CMIP: variants seen among roughly 807,000 people sequenced by gnomAD.
The protein encoded by CMIP is C-Maf-inducing protein.
A neutral mutation model predicts 97.3 loss-of-function variants in CMIP; 13 were observed. That is an observed-to-expected ratio of 0.13 (90% CI 0.09 to 0.21). The LOEUF (loss-of-function observed/expected upper bound fraction) is 0.21. CMIP is among the 10% of genes least tolerant of loss of function. The pLI is 1.00. For synonymous variants in CMIP, 538 were observed against 436.3 expected (o/e 1.23, Z -2.91); for missense variants, 847 against 1,024.9 (o/e 0.83, Z 2.37).
chr16:81,595,640 C>T (rs1362370269), intron 1 of CMIP, among the ~76,000 whole-genome samples: 3 of 152,120 alleles, frequency 2.0e-5, no homozygotes, highest in Non-Finnish European at 2.9e-5. Flanking sequence ...CTGCCCACCT[C>T]GGCTTCCCAA....
chr16:81,483,802 T>C (rs762707369), intron 1 of CMIP, among the ~76,000 whole-genome samples: 1 of 152,246 alleles, frequency 6.6e-6, no homozygotes, highest in Non-Finnish European at 1.5e-5. Flanking sequence ...TTATAAACTC[T>C]GCTTCTAGAA....
rs558026837 is a variant in CMIP, at chr16:81,661,545, C to A, written c.744+599C>A. Reference sequence around the variant, plus strand: ...CTTGGAGAGACATGTTCTCAGCACTCCCCTGTCATACCCCTGCTGCCCCGC... The same window carrying A: ...CTTGGAGAGACATGTTCTCAGCACTACCCTGTCATACCCCTGCTGCCCCGC... On this transcript the variant is annotated intron_variant, in intron 6 of 20. Coordinates refer to ENST00000537098, the MANE Select transcript of CMIP (RefSeq NM_198390.3). Among the ~76,000 whole-genome samples, 9 of 152,330 alleles carry A rather than the reference C, an allele frequency of 5.9e-5. No individual in the cohort carries two copies. The East Asian group carries it at 1.7e-3, about 29-fold the overall frequency.
At chr16:81,527,566 C>T (rs915854209) in intron 1 of CMIP, among the ~76,000 whole-genome samples, 2 of 152,186 alleles carry the variant, frequency 1.3e-5, no homozygotes, top group Non-Finnish European at 2.9e-5. Flanking sequence ...TTGTTTCTAC[C>T]ATGGAAGCAT....
chr16:81,703,518 C>G (rs1165597438), intron 17 of CMIP, among the ~76,000 whole-genome samples: 1 of 152,078 alleles, frequency 6.6e-6, no homozygotes, highest in East Asian at 1.9e-4. Flanking sequence ...CAAATATACA[C>G]AGACGTGCAC....
chr16:81,652,240 C>T lies in CMIP; in HGVS notation c.515C>T (p.Pro172Leu). The T allele has an allele frequency of 6.2e-7, 1 of 1,613,680 alleles. No individual in the cohort carries two copies. Among genetic ancestry groups the T allele is most frequent in the Non-Finnish European group, 8.5e-7 (1 of 1,179,626 alleles). ...AAATATAAGAAAGTGCTGAGTAACC[C>T]AAGCCGCTGGGAAGTTGTCTTGAAA... ...IYKYKKVLSN[P>L]SRWEVVLKEI... Residue 172 changes from proline to leucine, a missense_variant, in exon 4 of 21, where the codon CCA becomes CTA. By Grantham distance (98) the Pro-to-Leu change is moderately conservative (BLOSUM62 -3). Coordinates refer to ENST00000537098, the MANE Select transcript of CMIP (RefSeq NM_198390.3). This position sits in a 1 kb window ranked among gnomAD's most constrained non-coding sequence, Gnocchi z 5.2.
At chr16:81,518,685 G>C (rs561689478) in intron 1 of CMIP, 2 of 152,348 alleles carry the variant, frequency 1.3e-5, no homozygotes, top group South Asian at 4.1e-4. Context: ...CCTGCTTCCT[G>C]TGTTCTGTGT....
intron 1 of CMIP, among the ~76,000 whole-genome samples, chr16:81,554,774 A>G (rs1421910544): frequency 6.6e-6 from 1 of 152,164 alleles, no homozygotes; most frequent in South Asian, 2.1e-4. Flanking sequence ...GATAATCGTT[A>G]TATCTGGTAA....
intron 1 of CMIP, among the ~76,000 whole-genome samples, chr16:81,589,635 C>G (rs921539836): frequency 6.6e-6 from 1 of 152,204 alleles, no homozygotes; most frequent in Non-Finnish European, 1.5e-5. Flanking sequence ...AAAGCAGTCC[C>G]CTGAGCCCCT....
At chr16:81,533,037 C>T (rs1301599262) in intron 1 of CMIP, among the ~76,000 whole-genome samples, 1 of 152,202 alleles carries the variant, frequency 6.6e-6, no homozygotes, top group African/African-American at 2.4e-5. Context: ...TGTCTCCTGT[C>T]AGAAGTCACC....
intron 1 of CMIP, among the ~76,000 whole-genome samples, chr16:81,489,490 G>A (rs1309051183): frequency 6.6e-6 from 1 of 152,186 alleles, no homozygotes; most frequent in East Asian, 1.9e-4. Flanking sequence ...AGCAGGAGAG[G>A]TCTCCTTTGT....
intron 2 of CMIP, among the ~76,000 whole-genome samples, chr16:81,611,795 T>C (rs1452117568): frequency 6.6e-6 from 1 of 152,236 alleles, no homozygotes; most frequent in Non-Finnish European, 1.5e-5. Context: ...TTTGAATCAA[T>C]GCCTCTTGCA....
rs147102712 is a variant in CMIP at position 81,642,152 on chromosome 16, G to A, written c.478-10051G>A. Among the ~76,000 whole-genome samples, 16 of 152,344 alleles carry A rather than the reference G, an allele frequency of 1.1e-4. No individual in the cohort carries two copies. The East Asian group carries it at 2.9e-3, about 28-fold the overall frequency. ...CGTCATTCATCAGAACCCAGTGTGC[G>A]TGCTTGCTGTTCTTGGAAAATGTCA... is the stretch of plus-strand genomic sequence containing the variant. On this transcript the variant is annotated intron_variant, in intron 3 of 20. Coordinates refer to ENST00000537098, the MANE Select transcript of CMIP (RefSeq NM_198390.3).
Position 81,670,826 on chromosome 16 carries a change from T to TTTTG in CMIP, c.929+597_929+600dup, listed in dbSNP as rs957425268. On this transcript the variant is annotated intron_variant, in intron 8 of 20. Coordinates refer to ENST00000537098, the MANE Select transcript of CMIP (RefSeq NM_198390.3). ...TCATCATTCTTGTTCTTCTCATCTC[T>TTTTG]TTTGTTTGTTTGTTTGTTTTGAGAT... 4.6e-5 allele frequency among the ~76,000 whole-genome samples: 7 copies of TTTTG among 152,142 alleles called. No homozygotes were observed. The East Asian group carries it at 7.7e-4, about 17-fold the overall frequency.
At chr16:81,701,377 G>A (rs768170395) in intron 15 of CMIP, among the ~76,000 whole-genome samples, 1 of 152,158 alleles carries the variant, frequency 6.6e-6, no homozygotes, top group South Asian at 2.1e-4. Context: ...AACATCCCCC[G>A]GGGGCCTGCC....
intron 1 of CMIP, among the ~76,000 whole-genome samples, chr16:81,561,502 A>C (rs968052340): frequency 9.2e-5 from 14 of 152,244 alleles, no homozygotes; most frequent in African/African-American, 3.4e-4. Context: ...GGTCAGGTTT[A>C]AGAACTACCA....
intron 1 of CMIP, among the ~76,000 whole-genome samples, chr16:81,602,697 G>T (rs1018558630): frequency 6.6e-6 from 1 of 152,106 alleles, no homozygotes; most frequent in Non-Finnish European, 1.5e-5. Flanking sequence ...TGCTCTTAAC[G>T]TTTAGGAAAA....
chr16:81,584,312 C>A (rs769901356), intron 1 of CMIP, among the ~76,000 whole-genome samples: 26 of 152,184 alleles, frequency 1.7e-4, no homozygotes, highest in Non-Finnish European at 3.2e-4. Context: ...CTAGAACATG[C>A]TGGAAGTACT....
At chr16:81,678,807 G>A (rs941753586) in intron 10 of CMIP, among the ~76,000 whole-genome samples, 179 bp downstream of exon 10, 21 of 152,392 alleles carry the variant, frequency 1.4e-4, no homozygotes, top group Non-Finnish European at 1.5e-5. Context: ...AAGTGTGGCT[G>A]TGAGTACAGG....
intron 15 of CMIP, 66 bp from the exon 16 acceptor site, chr16:81,701,594 T>C (rs1018487690): frequency 6.2e-7 from 1 of 1,608,840 alleles, no homozygotes; most frequent in Non-Finnish European, 8.5e-7. Flanking sequence ...GCCCTTGGGG[T>C]GCACAGAGTG....
Sources: gnomAD v4.1 joint callset for allele counts (sites outside exome capture counted in the v4.1 genomes callset) on GRCh38, gnomAD v4.1.1 for gene constraint, Gnocchi (gnomAD v3.1) non-coding constraint, MANE v1.5 for transcripts, NCBI Gene and HGNC (gene_info 2026-07-23, HGNC 2026-07-21) for gene names.